CDKAL1: variants seen among roughly 807,000 people sequenced by gnomAD.
CDKAL1 encodes the protein CDKAL1 threonylcarbamoyladenosine tRNA methylthiotransferase.
In CDKAL1, 32 loss-of-function variants were observed where a neutral mutation model predicts 68.2. The ratio of observed to expected loss-of-function variants is 0.47; its 90% CI spans 0.35 to 0.63. The LOEUF is 0.63. Among genes scored for constraint, CDKAL1 ranks in the 30% least tolerant of loss-of-function variants. The probability of loss-of-function intolerance (pLI) is 0.00; values close to 1 mark genes in which losing one functional copy is unlikely to be tolerated. For missense variants in CDKAL1, 606 were observed against 696.7 expected (o/e 0.87, Z 1.47); for synonymous variants, 234 against 244.3 (o/e 0.96, Z 0.39).
chr6:20,768,038 G>T (rs1774775099), intron 7 of CDKAL1, among the ~76,000 whole-genome samples: 1 of 152,144 alleles, frequency 6.6e-6, no homozygotes, highest in African/African-American at 2.4e-5. Context: ...GAATTAAAAT[G>T]TCCTTATAAA....
At chr6:21,222,684 T>TAACA (rs1779580938) in intron 15 of CDKAL1, among the ~76,000 whole-genome samples, 1 of 152,054 alleles carries the variant, frequency 6.6e-6, no homozygotes, top group South Asian at 2.1e-4. Context: ...TATCTGGTAA[T>TAACA]AACATGAAGC....
At position 20,692,008 on chromosome 6, in the gene CDKAL1, G is replaced by A. The variant is rs539568298; in HGVS notation, c.371+42631G>A. Among the ~76,000 whole-genome samples the A allele has an allele frequency of 5.9e-5, 9 of 152,186 alleles. No individual in the cohort carries two copies. In the East Asian group the frequency reaches 1.5e-3, roughly 26 times the overall value. ...TTTTTAATTTTTAAGTTTTCGCAGT[G>A]TGCAGTTTAAAAATTTTGTAGAACT... On this transcript the variant is annotated intron_variant, in intron 5 of 15. Coordinates refer to ENST00000274695, the MANE Select transcript of CDKAL1 (RefSeq NM_017774.3).
chr6:20,619,755 AG>A (rs2127731577), intron 4 of CDKAL1, among the ~76,000 whole-genome samples: 1 of 152,354 alleles, frequency 6.6e-6, no homozygotes, highest in Non-Finnish European at 1.5e-5. Context: ...TAGGTCTTCC[AG>A]AGCCCTGCAG....
intron 5 of CDKAL1, among the ~76,000 whole-genome samples, chr6:20,704,994 A>C (rs1303206019): frequency 2.6e-5 from 4 of 152,246 alleles, no homozygotes; most frequent in African/African-American, 9.6e-5. Flanking sequence ...GTAGCCTGCA[A>C]TAATTTCTTA....
chr6:20,549,496 C>A (rs1356133382), intron 4 of CDKAL1, among the ~76,000 whole-genome samples: 1 of 152,028 alleles, frequency 6.6e-6, no homozygotes, highest in East Asian at 1.9e-4. Context: ...ATTTTAGTAT[C>A]TACTGGTGGA....
At chr6:21,026,817 A>T (rs1270131066) in intron 11 of CDKAL1, among the ~76,000 whole-genome samples, 2 of 152,132 alleles carry the variant, frequency 1.3e-5, no homozygotes, top group Non-Finnish European at 2.9e-5. Flanking sequence ...GGTTGTCTTT[A>T]TCTGTTATTG....
intron 10 of CDKAL1, among the ~76,000 whole-genome samples, chr6:20,979,687 G>C (rs1300720137): frequency 6.6e-6 from 1 of 151,950 alleles, no homozygotes; most frequent in African/African-American, 2.4e-5. Flanking sequence ...ATTTCTTGCT[G>C]AGTGGTATTG....
intron 13 of CDKAL1, among the ~76,000 whole-genome samples, chr6:21,177,811 C>T (rs183370792): frequency 2.1e-3 from 313 of 151,974 alleles, no homozygotes; most frequent in Non-Finnish European, 3.0e-3. Flanking sequence ...AGAGCAGACA[C>T]GTGGTGTAAA....
chr6:20,913,648 T>C (rs1423753936), intron 9 of CDKAL1, among the ~76,000 whole-genome samples: 2 of 152,086 alleles, frequency 1.3e-5, no homozygotes, highest in East Asian at 3.9e-4. Context: ...TTTCTGAGGT[T>C]CTCTCTTTCC....
chr6:20,799,477 C>T (rs1776276317), intron 8 of CDKAL1, among the ~76,000 whole-genome samples: 1 of 111,842 alleles, frequency 8.9e-6, no homozygotes, highest in African/African-American at 3.5e-5. Context: ...ACCACACCTA[C>T]TGTATACCAC....
chr6:21,110,798 A>T (rs1005328581), intron 13 of CDKAL1, among the ~76,000 whole-genome samples: 3 of 151,982 alleles, frequency 2.0e-5, no homozygotes, highest in South Asian at 2.1e-4. Context: ...GTCTCTATTT[A>T]AAAAAAATAA....
At chr6:21,197,140 AGAGT>A (rs1325618108) in intron 13 of CDKAL1, among the ~76,000 whole-genome samples, 14 of 151,936 alleles carry the variant, frequency 9.2e-5, no homozygotes, top group African/African-American at 3.1e-4. Context: ...CCTGGGTGAC[AGAGT>A]GAGACTCTGT....
At chr6:21,155,461 G>A (rs910211426) in intron 13 of CDKAL1, among the ~76,000 whole-genome samples, 2 of 152,148 alleles carry the variant, frequency 1.3e-5, no homozygotes, top group Non-Finnish European at 2.9e-5. Context: ...GGAAGGGGAA[G>A]GAATTTGATT....
intron 4 of CDKAL1, among the ~76,000 whole-genome samples, chr6:20,640,212 C>A (rs534727896): frequency 2.0e-5 from 3 of 152,248 alleles, no homozygotes; most frequent in South Asian, 4.1e-4. Context: ...GACAATCAAA[C>A]TGTTTTCTCT....
intron 11 of CDKAL1, among the ~76,000 whole-genome samples, chr6:21,043,938 A>G (rs1415557142): frequency 6.6e-6 from 1 of 152,174 alleles, no homozygotes; most frequent in Non-Finnish European, 1.5e-5. Context: ...TCAGAAATTG[A>G]TTTTGTTAAA....
intron 13 of CDKAL1, among the ~76,000 whole-genome samples, chr6:21,172,579 ACTT>A (rs1298174671): frequency 6.6e-6 from 1 of 152,068 alleles, no homozygotes. Context: ...ACATAGCGAG[ACTT>A]CTTCTCTACA....
chr6:20,656,417 A>C (rs910082045), intron 5 of CDKAL1, among the ~76,000 whole-genome samples: 4 of 152,120 alleles, frequency 2.6e-5, no homozygotes, highest in Non-Finnish European at 5.9e-5. Flanking sequence ...TAGGAGCAGA[A>C]GAAGGACGAA....
At chr6:21,153,760 A>C (rs193231712) in intron 13 of CDKAL1, among the ~76,000 whole-genome samples, 2 of 152,310 alleles carry the variant, frequency 1.3e-5, no homozygotes, top group Admixed American at 1.3e-4. Flanking sequence ...GGAATAACTA[A>C]TATTCAGTTT....
At chr6:21,167,411 CACTT>C (rs1238225274) in intron 13 of CDKAL1, among the ~76,000 whole-genome samples, 2 of 152,126 alleles carry the variant, frequency 1.3e-5, no homozygotes, top group Non-Finnish European at 2.9e-5. Context: ...TATTAGAAAA[CACTT>C]AATTAGCCTG....
Sources: gnomAD v4.1 joint callset for allele counts (sites outside exome capture counted in the v4.1 genomes callset) on GRCh38, gnomAD v4.1.1 for gene constraint, MANE v1.5 for transcripts, NCBI Gene and HGNC (gene_info 2026-07-23, HGNC 2026-07-21) for gene names.